ARFGEF2: variants seen among roughly 807,000 people sequenced by gnomAD.
ARFGEF2 encodes the protein ARF guanine nucleotide exchange factor 2.
Under a neutral mutation model 219.9 loss-of-function variants are expected in ARFGEF2, and 74 were observed. The ratio of observed to expected loss-of-function variants is 0.34; its 90% CI spans 0.28 to 0.41. ARFGEF2 has a LOEUF of 0.41. Ranked by LOEUF, ARFGEF2 falls within the 10% of genes least tolerant of loss-of-function variation. The pLI is 1.00. For synonymous variants in ARFGEF2, 733 were observed against 799.2 expected (o/e 0.92, Z 1.40); for missense variants, 1,743 against 2,218.3 (o/e 0.79, Z 4.30).
At chr20:48,935,768 G>T (rs1650238646) in intron 1 of ARFGEF2, among the ~76,000 whole-genome samples, 1 of 147,536 alleles carries the variant, frequency 6.8e-6, no homozygotes, top group Non-Finnish European at 1.5e-5. Flanking sequence ...GGCTGGGCGG[G>T]GGGCTGACCC....
At chr20:49,026,173 C>CA (rs1278927761) in intron 36 of ARFGEF2, among the ~76,000 whole-genome samples, 3 of 151,176 alleles carry the variant, frequency 2.0e-5, no homozygotes, top group Non-Finnish European at 1.5e-5. Context: ...CATCTCCACC[C>CA]AAAAAAAAGT....
At chr20:49,008,707 G>GTT (rs796608906) in intron 26 of ARFGEF2, among the ~76,000 whole-genome samples, 196 of 132,420 alleles carry the variant, frequency 1.5e-3, no homozygotes, top group African/African-American at 1.8e-3. Flanking sequence ...TCATGTAAAG[G>GTT]TTTTTTTTTT....
In ARFGEF2 at chr20:48,966,002, C is replaced by G. The variant is rs2085402384; in HGVS notation, c.1038C>G (p.Ser346=). 1.9e-6 allele frequency: 3 copies of G among 1,613,908 alleles called. No homozygotes were observed. Among genetic ancestry groups the G allele is most frequent in the African/African-American group, 2.7e-5 (2 of 74,888 alleles). The change falls in exon 8 of 39, where the codon TCC becomes TCG. Residue 346 remains serine, a synonymous_variant. Coordinates refer to ENST00000371917, the MANE Select transcript of ARFGEF2 (RefSeq NM_006420.3). ...ACGGGATAGCCGATGACAGGCAGTC[C>G]TTGTCGTCAGCAGATAATCTGGTAT... ...QTNGIADDRQ[S]LSSADNLESD...
At chr20:48,934,292 C>T (rs1022692611) in intron 1 of ARFGEF2, among the ~76,000 whole-genome samples, 1 of 151,986 alleles carries the variant, frequency 6.6e-6, no homozygotes, top group African/African-American at 2.4e-5. Flanking sequence ...GTGAGGCACC[C>T]TGCCACACAC....
chr20:48,955,988 C>G (rs761427411), intron 6 of ARFGEF2, among the ~76,000 whole-genome samples: 4 of 152,188 alleles, frequency 2.6e-5, no homozygotes, highest in Non-Finnish European at 5.9e-5. Context: ...CTTAAAGGAG[C>G]AAATGACTTC....
chr20:49,014,800 T>TA lies in ARFGEF2; in HGVS notation c.4179+841dup, dbSNP rs796412731. ...AATATGGTTGAGGTCATAGTATAGA[T>TA]AGAGTTTTCTAATCTTTTTAAATTT... On this transcript the variant is annotated intron_variant, in intron 30 of 38. Coordinates refer to ENST00000371917, the MANE Select transcript of ARFGEF2 (RefSeq NM_006420.3). Among the ~76,000 whole-genome samples, 42 of 152,300 alleles carry TA rather than the reference T, an allele frequency of 2.8e-4. No homozygotes were observed. The South Asian group carries it at 4.6e-3, about 17-fold the overall frequency.
rs770179655 is a variant in ARFGEF2 at position 48,953,406 on chromosome 20, GTTCAAGAATT to G, written c.604-149_604-140del. 166 of 758,312 alleles carry G rather than the reference GTTCAAGAATT, an allele frequency of 2.2e-4. No homozygotes were observed. In the African/African-American group the frequency reaches 2.6e-3, roughly 12 times the overall value. 47.0% of individuals were successfully genotyped at this position (758,312 alleles called of 1,614,324 possible). On this transcript the variant is annotated intron_variant, in intron 5 of 38. Transcript: ENST00000371917. ...GCCCAGGTTGGTCTCGAACTCCTGG[GTTCAAGAATT>G]CCTGCTGCCTCAGCCTTCCAAAGTG...
Position 49,013,663 on chromosome 20 carries a change from A to G in ARFGEF2, c.4018A>G (p.Ile1340Val). 6.2e-7 allele frequency: 1 copy of G among 1,614,152 alleles called. No individual in the cohort carries two copies. The highest frequency in any genetic ancestry group is 8.5e-7 in the Non-Finnish European group (1 of 1,180,020). The stretch of plus-strand genomic sequence containing the variant: ...CATCTTATTCGAACTCTCCTGCATC[A>G]TTAATAGATGCAAGTTAGATGTACG... ...FPILFELSCI[I>V]NRCKLDVRTR... The change falls in exon 29 of 39, where the codon ATT becomes GTT. Residue 1340 changes from isoleucine (I) to valine (V), a missense_variant. Ile to Val is a conservative substitution (Grantham distance 29, BLOSUM62 3). Transcript: ENST00000371917.
chr20:49,004,983 G>T, intron 25 of ARFGEF2, 87 bp from the exon 26 acceptor site: 4 of 1,431,570 alleles, frequency 2.8e-6, no homozygotes, highest in Non-Finnish European at 2.0e-6. Flanking sequence ...TGTTTTGAAG[G>T]TAGGCTGTCC....
chr20:49,004,607 C>T (rs1399793869), intron 25 of ARFGEF2, among the ~76,000 whole-genome samples: 1 of 151,834 alleles, frequency 6.6e-6, no homozygotes, highest in Non-Finnish European at 1.5e-5. Flanking sequence ...TCGAGACCAG[C>T]TTGGCCAACA....
chr20:49,010,363 A>G lies in ARFGEF2; in HGVS notation c.3716A>G (p.Asn1239Ser). Residue 1239 changes from asparagine to serine, a missense_variant, in exon 27 of 39, where the codon AAC becomes AGC. Physicochemically the swap from Asn to Ser is conservative, Grantham distance 46 (BLOSUM62 1). This residue lies in a region of ARFGEF2 where 102 missense variants were observed against 146.8 expected (regional missense o/e 0.69). Coordinates refer to ENST00000371917, the MANE Select transcript of ARFGEF2 (RefSeq NM_006420.3). ...FHQAASDHDG[N>S]IVELAFQTTC... Reference sequence around the variant, plus strand: ...CAGGCAGCCTCTGATCATGATGGGAACATTGTGGAGCTGGCCTTCCAGACC... The same window carrying G: ...CAGGCAGCCTCTGATCATGATGGGAGCATTGTGGAGCTGGCCTTCCAGACC... 1.2e-6 allele frequency: 2 copies of G among 1,614,124 alleles called. No individual in the cohort carries two copies. The highest frequency in any genetic ancestry group is 1.1e-5 in the South Asian group (1 of 91,084).
rs1416897075 is a variant in ARFGEF2 at position 48,922,976 on chromosome 20, ACAG to A, written c.121+969_121+971del. Among the ~76,000 whole-genome samples, 4 of 152,236 alleles carry A rather than the reference ACAG, an allele frequency of 2.6e-5. No homozygotes were observed. In the East Asian group the frequency reaches 5.8e-4, roughly 22 times the overall value. ...TGATAAATACTATTTTGAAAATAAA[ACAG>A]CAAGATGTGATAAAGAGGGCTTGAG... On this transcript the variant is annotated intron_variant, in intron 1 of 38. Coordinates refer to ENST00000371917, the MANE Select transcript of ARFGEF2 (RefSeq NM_006420.3).
intron 3 of ARFGEF2, among the ~76,000 whole-genome samples, chr20:48,943,385 G>A (rs1204498516): frequency 1.3e-5 from 2 of 152,172 alleles, no homozygotes; most frequent in Admixed American, 6.6e-5. Context: ...AAGTAACTTT[G>A]TTATAAATTA....
rs1200097697 is a variant in ARFGEF2, at chr20:49,012,233, G to A, written c.3918+149G>A. The stretch of plus-strand genomic sequence containing the variant: ...GGTGTTTATTTCAAAATGCTGCCAT[G>A]ACAGGGAGTTAGGCCTTTTCATTAT... On this transcript the variant is annotated intron_variant, in intron 28 of 38. Coordinates refer to ENST00000371917, the MANE Select transcript of ARFGEF2 (RefSeq NM_006420.3). 3 of 1,018,558 alleles carry A rather than the reference G, an allele frequency of 2.9e-6. No homozygotes were observed. In the African/African-American group the frequency reaches 4.8e-5, roughly 16 times the overall value. 63.1% of individuals were successfully genotyped at this position (1,018,558 alleles called of 1,614,324 possible).
intron 36 of ARFGEF2, 29 bp from the exon 37 acceptor site, chr20:49,028,501 C>T (rs765813669): frequency 1.2e-6 from 2 of 1,609,054 alleles, no homozygotes; most frequent in South Asian, 1.1e-5. Flanking sequence ...TAGAAATGTG[C>T]ACTAATTATA....
chr20:49,022,250 T>C (rs2091569790), intron 34 of ARFGEF2, among the ~76,000 whole-genome samples: 1 of 148,386 alleles, frequency 6.7e-6, no homozygotes, highest in Admixed American at 6.7e-5. Context: ...AAGTAGAAAA[T>C]GCAGAAAGCA....
intron 20 of ARFGEF2, among the ~76,000 whole-genome samples, chr20:48,990,207 T>C (rs2091349939): frequency 6.6e-6 from 1 of 151,914 alleles, no homozygotes; most frequent in Non-Finnish European, 1.5e-5. Context: ...TAATAATAGG[T>C]AGGGTCCAAG....
In ARFGEF2 at chr20:48,967,133, A is replaced by T. The variant is rs77482105; in HGVS notation, c.1059+1110A>T. ...AGTGCTGGGTTTACAGGCTTGAGCCACTGTATCCAACCAGAATAATGTTTT... is the reference window on the plus strand; with the variant it reads ...AGTGCTGGGTTTACAGGCTTGAGCCTCTGTATCCAACCAGAATAATGTTTT... On this transcript the variant is annotated intron_variant, in intron 8 of 38. Transcript: ENST00000371917. Among the ~76,000 whole-genome samples, 349 of 152,336 alleles carry T rather than the reference A, an allele frequency of 2.3e-3. 2 individuals are homozygous for T. The highest frequency in any genetic ancestry group is 8.1e-3 in the African/African-American group (337 of 41,576).
intron 4 of ARFGEF2, 137 bp from the exon 5 acceptor site, chr20:48,952,568 G>A: frequency 2.4e-6 from 2 of 822,028 alleles, no homozygotes; most frequent in Middle Eastern, 3.4e-4. Context: ...TTAATTTGCA[G>A]AGCCATCTTA....
Sources: gnomAD v4.1 joint callset for allele counts (sites outside exome capture counted in the v4.1 genomes callset) on GRCh38, gnomAD v4.1.1 for gene constraint, gnomAD v4.1.1 regional missense constraint, MANE v1.5 for transcripts, NCBI Gene and HGNC (gene_info 2026-07-23, HGNC 2026-07-21) for gene names.